Variants in ZNF423 observed in about 807,000 individuals in gnomAD.
ZNF423 encodes zinc finger protein 423, also known as Ebf-associated zinc finger protein.
A neutral mutation model predicts 95.8 loss-of-function variants in ZNF423; 12 were observed. The ratio of observed to expected loss-of-function variants is 0.13; its 90% CI spans 0.08 to 0.20. The LOEUF (loss-of-function observed/expected upper bound fraction) is 0.20, where lower values mean the gene tolerates loss of function less well. Ranked by LOEUF, ZNF423 falls within the 10% of genes least tolerant of loss-of-function variation. The pLI, the probability that ZNF423 is intolerant of heterozygous loss-of-function variation, is 1.00. For synonymous variants in ZNF423, 749 were observed against 711.9 expected, an observed-to-expected ratio of 1.05 and a Z score of -0.83; for missense variants, 1,316 against 1,737.1, an observed-to-expected ratio of 0.76 and a Z score of 4.31.
At chr16:49,610,394 G>A (rs1461991708) in intron 5 of ZNF423, among the ~76,000 whole-genome samples, 2 of 152,112 alleles carry the variant, frequency 1.3e-5, no homozygotes, top group African/African-American at 4.8e-5. Context: ...ACAGTCATAA[G>A]TAGGGAAGAG....
At chr16:49,506,610 A>C (rs1247561029) in intron 7 of ZNF423, among the ~76,000 whole-genome samples, 6 of 144,088 alleles carry the variant, frequency 4.2e-5, no homozygotes, top group Admixed American at 4.1e-4. Context: ...ATGAATGAAT[A>C]GATGGATGGA....
intron 5 of ZNF423, among the ~76,000 whole-genome samples, chr16:49,602,702 G>A (rs1452835354): frequency 6.6e-6 from 1 of 152,174 alleles, no homozygotes; most frequent in Non-Finnish European, 1.5e-5. Context: ...TGCAGGAATT[G>A]CTCCTGCCGA....
intron 2 of ZNF423, among the ~76,000 whole-genome samples, chr16:49,756,807 G>A (rs2033735763): frequency 6.6e-6 from 1 of 152,238 alleles, no homozygotes; most frequent in Non-Finnish European, 1.5e-5. Context: ...ACACTTGTGA[G>A]CACCCCTGAG....
intron 6 of ZNF423, 136 bp downstream of exon 6, chr16:49,525,227 G>T: frequency 7.6e-7 from 1 of 1,318,826 alleles, no homozygotes; most frequent in East Asian, 2.4e-5. Flanking sequence ...ATCCCTCAGG[G>T]TATCCCCAAC....
chr16:49,671,656 G>C (rs2030815648), intron 3 of ZNF423, among the ~76,000 whole-genome samples: 1 of 152,128 alleles, frequency 6.6e-6, no homozygotes, highest in Non-Finnish European at 1.5e-5. Flanking sequence ...TTCCGGGAGA[G>C]GTGCCCCACA....
At chr16:49,833,821 G>T (rs186552154) in intron 1 of ZNF423, among the ~76,000 whole-genome samples, 1 of 141,876 alleles carries the variant, frequency 7.0e-6, no homozygotes, top group African/African-American at 2.5e-5. Flanking sequence ...GTGCAGGGGG[G>T]CAGCAGGGCT....
At chr16:49,658,762 G>A (rs1402945165) in intron 3 of ZNF423, among the ~76,000 whole-genome samples, 1 of 152,244 alleles carries the variant, frequency 6.6e-6, no homozygotes, top group Non-Finnish European at 1.5e-5. Context: ...ATTCCGGAGT[G>A]TGGGGCAGGG....
intron 3 of ZNF423, among the ~76,000 whole-genome samples, chr16:49,643,087 C>T (rs1223413549): frequency 6.6e-6 from 1 of 152,150 alleles, no homozygotes; most frequent in African/African-American, 2.4e-5. Context: ...TCCCAAAGTG[C>T]TGGGATTACA....
chr16:49,817,674 G>A (rs564045289), intron 1 of ZNF423, among the ~76,000 whole-genome samples: 30 of 152,198 alleles, frequency 2.0e-4, no homozygotes, highest in Admixed American at 1.8e-3. Context: ...GGAGAAATGG[G>A]GACAGTGCAG....
chr16:49,853,757 T>C, intron 1 of ZNF423: 1 of 985,410 alleles, frequency 1.0e-6, no homozygotes, highest in Non-Finnish European at 1.2e-6. Context: ...AGAGTGGTTT[T>C]AGAACTCGGT....
intron 3 of ZNF423, among the ~76,000 whole-genome samples, chr16:49,693,311 C>T (rs2031856343): frequency 6.6e-6 from 1 of 152,112 alleles, no homozygotes; most frequent in Non-Finnish European, 1.5e-5. Flanking sequence ...ATCGTTAGTT[C>T]CATTTTACAG....
intron 7 of ZNF423, among the ~76,000 whole-genome samples, chr16:49,505,690 T>C (rs6500227): frequency 0.6 from 91,069 of 152,100 alleles, 27,457 homozygotes; most frequent in South Asian, 0.71. Flanking sequence ...TAGGTGTACA[T>C]CCTTGCCAGT....
chr16:49,725,632 T>C (rs2032990043), intron 3 of ZNF423, among the ~76,000 whole-genome samples: 1 of 152,122 alleles, frequency 6.6e-6, no homozygotes, highest in Non-Finnish European at 1.5e-5. Context: ...TGCTCTGGAC[T>C]GTGTGGGCGT....
intron 7 of ZNF423, among the ~76,000 whole-genome samples, chr16:49,515,216 G>A (rs1037698369): frequency 1.3e-5 from 2 of 152,248 alleles, no homozygotes; most frequent in Non-Finnish European, 2.9e-5. Context: ...GCCATGCACA[G>A]CCCTGGCCCC....
chr16:49,513,632 G>A (rs1048752537), intron 7 of ZNF423, among the ~76,000 whole-genome samples: 2 of 135,208 alleles, frequency 1.5e-5, no homozygotes, highest in African/African-American at 5.8e-5. Context: ...AACACATATG[G>A]GGATGGATGG....
intron 5 of ZNF423, among the ~76,000 whole-genome samples, chr16:49,592,588 A>G (rs1333317512): frequency 6.6e-6 from 1 of 152,252 alleles, no homozygotes; most frequent in Non-Finnish European, 1.5e-5. Context: ...TAAGCCATGA[A>G]CCAAAACGTG....
chr16:49,810,706 T>C (rs1447941994), intron 1 of ZNF423, among the ~76,000 whole-genome samples: 3 of 152,134 alleles, frequency 2.0e-5, no homozygotes, highest in Non-Finnish European at 4.4e-5. Context: ...GAAAAATAAA[T>C]AAATACAGGT....
At chr16:49,702,958 C>G (rs966569476) in intron 3 of ZNF423, among the ~76,000 whole-genome samples, 4 of 151,516 alleles carry the variant, frequency 2.6e-5, no homozygotes, top group Non-Finnish European at 4.4e-5. Flanking sequence ...CACTCCATGG[C>G]AGGATAAAGC....
intron 3 of ZNF423, among the ~76,000 whole-genome samples, chr16:49,682,606 G>A (rs1399282383): frequency 6.6e-6 from 1 of 152,214 alleles, no homozygotes. Context: ...AGTATGACAG[G>A]AGGACATGAA....
Sources: allele counts gnomAD v4.1 joint callset (sites outside exome capture counted in the v4.1 genomes callset), GRCh38; gene constraint gnomAD v4.1.1; transcripts MANE v1.5; gene names NCBI Gene and HGNC (gene_info 2026-07-23, HGNC 2026-07-21).